The following ATCAY variants were observed in gnomAD, a reference collection of about 807,000 sequenced individuals.
ATCAY encodes ATCAY kinesin light chain interacting caytaxin.
Under a neutral mutation model 47.7 loss-of-function variants are expected in ATCAY, and 22 were observed. The ratio of observed to expected loss-of-function variants is 0.46; its 90% CI spans 0.33 to 0.66. ATCAY has a LOEUF of 0.66. Ranked by LOEUF, ATCAY falls within the 30% of genes least tolerant of loss-of-function variation. The probability of loss-of-function intolerance (pLI) is 0.02; values close to 1 mark genes in which losing one functional copy is unlikely to be tolerated. For missense variants in ATCAY, 452 were observed against 515.0 expected, an observed-to-expected ratio of 0.88 and a Z score of 1.18; for synonymous variants, 216 against 207.6, an observed-to-expected ratio of 1.04 and a Z score of -0.35.
In ATCAY at chr19:3,905,651, G is replaced by A. The variant is rs775140911; in HGVS notation, c.354G>A (p.Trp118Ter). 6.2e-7 allele frequency: 1 copy of A among 1,613,074 alleles called. No homozygotes were observed. ...EFLGNGNELE[W>*]EDDTPVATAK... ...TGGGGAATGGCAACGAACTGGAGTG[G>A]GAAGGTAAAGTTCAGGGTCTCTCTG... Residue 118 changes from tryptophan (W) to a stop codon, truncating the protein, a stop_gained, in exon 4 of 13, where the codon TGG becomes TGA. Transcript: ENST00000450849. LOFTEE classifies it high-confidence loss of function.
intron 8 of ATCAY, among the ~76,000 whole-genome samples, chr19:3,912,015 A>G (rs775790322): frequency 3.3e-5 from 5 of 152,240 alleles, no homozygotes; most frequent in Non-Finnish European, 7.3e-5. Flanking sequence ...GTAAACACGC[A>G]TTTCAGTCTA....
chr19:3,903,982 C>CAAAAAAAAAAAAAAAA (rs59631453), intron 3 of ATCAY, among the ~76,000 whole-genome samples: 1 of 79,062 alleles, frequency 1.3e-5, no homozygotes, highest in African/African-American at 3.7e-5. Context: ...ACTAAAGATA[C>CAAAAAAAAAAAAAAAA]AAAAAAAAAA....
intron 12 of ATCAY, among the ~76,000 whole-genome samples, chr19:3,923,485 G>C (rs996122762): frequency 4.7e-5 from 7 of 150,382 alleles, no homozygotes; most frequent in Non-Finnish European, 1.0e-4. Flanking sequence ...TTTGGATGAT[G>C]GGTGGATAGA....
At chr19:3,900,622 C>T (rs538273694) in intron 2 of ATCAY, among the ~76,000 whole-genome samples, 23 of 152,076 alleles carry the variant, frequency 1.5e-4, no homozygotes, top group African/African-American at 4.6e-4. Flanking sequence ...CTGCAACCTC[C>T]GCCTCCCGGG....
intron 2 of ATCAY, among the ~76,000 whole-genome samples, chr19:3,886,361 G>A (rs1383971757): frequency 1.3e-5 from 2 of 152,158 alleles, no homozygotes; most frequent in African/African-American, 2.4e-5. Context: ...GGGAGGCCGA[G>A]GCGGGCGGAT....
chr19:3,894,029 G>T (rs2038742868), intron 2 of ATCAY, among the ~76,000 whole-genome samples: 1 of 152,018 alleles, frequency 6.6e-6, no homozygotes, highest in African/African-American at 2.4e-5. Context: ...TCTGCAGGAC[G>T]CCAACATCAT....
intron 2 of ATCAY, among the ~76,000 whole-genome samples, chr19:3,895,989 T>C (rs918191553): frequency 6.6e-6 from 1 of 152,096 alleles, no homozygotes; most frequent in African/African-American, 2.4e-5. Flanking sequence ...GTAGCTGGGA[T>C]CACAGGCATG....
At position 3,907,742 on chromosome 19, in the gene ATCAY, C is replaced by G. The variant is rs769697842; in HGVS notation, c.367C>G (p.Pro123Ala). 3.7e-6 allele frequency: 6 copies of G among 1,614,010 alleles called. No individual in the cohort carries two copies. Among genetic ancestry groups the G allele is most frequent in the Non-Finnish European group, 5.1e-6 (6 of 1,179,880 alleles). Residue 123 changes from proline (P) to alanine (A), a missense_variant, in exon 5 of 13, where the codon CCC (proline) becomes GCC (alanine). By Grantham distance (27) the Pro-to-Ala change is conservative. Coordinates refer to ENST00000450849, the MANE Select transcript of ATCAY (RefSeq NM_033064.5). This position sits in a 1 kb window ranked among gnomAD's most constrained non-coding sequence, Gnocchi z 5.1. The part of the protein sequence containing the change: ...GNELEWEDDT[P>A]VATAKNMPGD... ...CCGCCACCTGCTTCTAGACGACACC[C>G]CCGTGGCCACCGCCAAGAACATGCC...
chr19:3,886,136 C>G (rs2038650917), intron 2 of ATCAY, among the ~76,000 whole-genome samples: 1 of 152,130 alleles, frequency 6.6e-6, no homozygotes, highest in Non-Finnish European at 1.5e-5. Flanking sequence ...ACCCCCCACC[C>G]CTACACCATT....
chr19:3,888,935 T>G (rs1030181066), intron 2 of ATCAY, among the ~76,000 whole-genome samples: 4 of 152,066 alleles, frequency 2.6e-5, no homozygotes, highest in Non-Finnish European at 5.9e-5. Flanking sequence ...TGTCTGTGTT[T>G]CTTTGCAGCA....
At chr19:3,902,616 G>T in intron 3 of ATCAY, 71 bp downstream of exon 3, 1 of 1,495,864 alleles carries the variant, frequency 6.7e-7, no homozygotes, top group Non-Finnish European at 9.1e-7. Context: ...GCCTGGGGCT[G>T]TAACTGTAGA....
chr19:3,897,244 G>T (rs2038777370), intron 2 of ATCAY, among the ~76,000 whole-genome samples: 2 of 150,380 alleles, frequency 1.3e-5, no homozygotes, highest in Admixed American at 1.3e-4. Flanking sequence ...TCATTCTTCA[G>T]TCCTTTCTTT....
Position 3,888,780 on chromosome 19 carries a change from A to G in ATCAY, c.77+2936A>G, listed in dbSNP as rs552052447. On this transcript the variant is annotated intron_variant, in intron 2 of 12. Coordinates refer to ENST00000450849, the MANE Select transcript of ATCAY (RefSeq NM_033064.5). Reference sequence around the variant, plus strand: ...GAAGTAATCGGTCTCCTTCAAAATGAGTCAGGCTGGTGTGGGAGGCCGAGA... The same window carrying G: ...GAAGTAATCGGTCTCCTTCAAAATGGGTCAGGCTGGTGTGGGAGGCCGAGA... Among the ~76,000 whole-genome samples the G allele has an allele frequency of 2.6e-5, 4 of 152,272 alleles. No homozygotes were observed. In the South Asian group the frequency reaches 8.3e-4, roughly 32 times the overall value.
At position 3,908,332 on chromosome 19, in the gene ATCAY, C is replaced by A; in HGVS notation, c.609C>A (p.Ser203Arg). 6.3e-7 allele frequency: 1 copy of A among 1,594,444 alleles called. No individual in the cohort carries two copies. The highest frequency in any genetic ancestry group is 2.3e-5 in the East Asian group (1 of 44,004). Residue 203 changes from serine (S) to arginine (R), a missense_variant, in exon 6 of 13, where the codon AGC (serine) becomes AGA (arginine). Physicochemically the swap from Ser to Arg is moderately radical, Grantham distance 110. Transcript: ENST00000450849. Reference protein sequence around the residue: ...VFAACFLPDSSLPDYHYIMEN... With the variant: ...VFAACFLPDSRLPDYHYIMEN... Reference sequence around the variant, plus strand: ...CAGCCTGCTTCCTTCCAGACAGCAGCCTCCCCGACTACCACTACATCATGG... The same window carrying A: ...CAGCCTGCTTCCTTCCAGACAGCAGACTCCCCGACTACCACTACATCATGG...
intron 2 of ATCAY, among the ~76,000 whole-genome samples, chr19:3,887,302 A>C (rs573624121): frequency 1.3e-5 from 2 of 151,842 alleles, no homozygotes; most frequent in African/African-American, 4.8e-5. Flanking sequence ...TACCAAAAAA[A>C]AAAAAATTAG....
In ATCAY at chr19:3,888,076, C is replaced by T. The variant is rs758045476; in HGVS notation, c.77+2232C>T. On this transcript the variant is annotated intron_variant, in intron 2 of 12. Transcript: ENST00000450849. Reference sequence around the variant, plus strand: ...GTTGCAGTGAGCCGAGATGTGCCACCGCACTCCAGCCCGGGTGACAGTGTG... The same window carrying T: ...GTTGCAGTGAGCCGAGATGTGCCACTGCACTCCAGCCCGGGTGACAGTGTG... Among the ~76,000 whole-genome samples, 417 of 150,306 alleles carry T rather than the reference C, an allele frequency of 2.8e-3. 9 individuals carry two copies. Among genetic ancestry groups the T allele is most frequent in the Non-Finnish European group, 6.8e-4 (46 of 67,652 alleles).
At chr19:3,902,155 A>C (rs10411265) in intron 2 of ATCAY, among the ~76,000 whole-genome samples, 2 of 151,604 alleles carry the variant, frequency 1.3e-5, no homozygotes, top group African/African-American at 4.9e-5. Flanking sequence ...TCTACAAAAA[A>C]CCAAAAAACT....
chr19:3,917,863 CT>C, intron 10 of ATCAY, 86 bp downstream of exon 10: 1 of 1,482,998 alleles, frequency 6.7e-7, no homozygotes, highest in Non-Finnish European at 9.2e-7. Context: ...CCGGTGACTT[CT>C]GGGCAGCAGG....
At chr19:3,910,491 A>T (rs1481122889) in intron 7 of ATCAY, among the ~76,000 whole-genome samples, 1 of 152,110 alleles carries the variant, frequency 6.6e-6, no homozygotes, top group Non-Finnish European at 1.5e-5. Flanking sequence ...GGTCCCTCCT[A>T]GGGCATTAGG....
Sources: allele counts gnomAD v4.1 joint callset (sites outside exome capture counted in the v4.1 genomes callset), GRCh38; gene constraint gnomAD v4.1.1; non-coding constraint Gnocchi (gnomAD v3.1); transcripts MANE v1.5; gene names NCBI Gene and HGNC (gene_info 2026-07-23, HGNC 2026-07-21).